The following MRPL13 variants were observed in gnomAD, a reference collection of about 807,000 sequenced individuals.
MRPL13 encodes mitochondrial ribosomal protein L13, also known as large ribosomal subunit protein uL13m.
Under a neutral mutation model 29.0 loss-of-function variants are expected in MRPL13, and 33 were observed. The observed-to-expected ratio is 1.14, with a 90% confidence interval of 0.86 to 1.52. The LOEUF is 1.52. Ranked by LOEUF, MRPL13 falls within the 40% of genes most tolerant of loss-of-function variation. The probability of loss-of-function intolerance (pLI) is 0.00; values close to 1 mark genes in which losing one functional copy is unlikely to be tolerated. For missense variants in MRPL13, 227 were observed against 216.7 expected, an observed-to-expected ratio of 1.05 and a Z score of -0.30; for synonymous variants, 77 against 68.4, an observed-to-expected ratio of 1.13 and a Z score of -0.62.
At chr8:120,418,496 GTGCC>G (rs1812831640) in intron 5 of MRPL13, among the ~76,000 whole-genome samples, 1 of 152,088 alleles carries the variant, frequency 6.6e-6, no homozygotes, top group Admixed American at 6.5e-5. Context: ...ATGTATAAGT[GTGCC>G]TGTTTCCCCC....
chr8:120,397,439 T>C (rs1313565999), intron 6 of MRPL13, among the ~76,000 whole-genome samples: 1 of 152,032 alleles, frequency 6.6e-6, no homozygotes, highest in Non-Finnish European at 1.5e-5. Flanking sequence ...AGCCAACCAG[T>C]GCAACAGGCT....
intron 6 of MRPL13, among the ~76,000 whole-genome samples, chr8:120,397,479 G>T (rs556626488): frequency 6.6e-6 from 1 of 152,140 alleles, no homozygotes; most frequent in African/African-American, 2.4e-5. Context: ...CAAGTTCCTG[G>T]GGGGAGGGGC....
At chr8:120,430,677 T>A (rs1812987492) in intron 3 of MRPL13, among the ~76,000 whole-genome samples, 1 of 152,120 alleles carries the variant, frequency 6.6e-6, no homozygotes, top group South Asian at 2.1e-4. Flanking sequence ...AATAGCAATA[T>A]GTTGTCTAAG....
At chr8:120,426,850 C>T (rs1384615739) in intron 3 of MRPL13, among the ~76,000 whole-genome samples, 1 of 152,156 alleles carries the variant, frequency 6.6e-6, no homozygotes, top group Non-Finnish European at 1.5e-5. Context: ...TGACAAAATC[C>T]TGTCCTATTT....
At chr8:120,421,474 C>T (rs768449405) in intron 4 of MRPL13, among the ~76,000 whole-genome samples, 25 of 151,752 alleles carry the variant, frequency 1.6e-4, no homozygotes, top group Non-Finnish European at 2.5e-4. Context: ...ACAAATTCTC[C>T]GATAGGCCAC....
chr8:120,421,988 C>T (rs1314931790), intron 4 of MRPL13, among the ~76,000 whole-genome samples: 1 of 151,056 alleles, frequency 6.6e-6, no homozygotes, highest in African/African-American at 2.4e-5. Flanking sequence ...AATATTTTGA[C>T]CTGTAAGGCT....
At chr8:120,418,668 A>G (rs947199579) in intron 5 of MRPL13, among the ~76,000 whole-genome samples, 68 of 152,242 alleles carry the variant, frequency 4.5e-4, no homozygotes, top group African/African-American at 1.6e-3. Context: ...TATCTTGTAA[A>G]TGAAATAAAT....
At chr8:120,409,189 T>C (rs931387448) in intron 6 of MRPL13, among the ~76,000 whole-genome samples, 10 of 152,208 alleles carry the variant, frequency 6.6e-5, no homozygotes, top group Non-Finnish European at 1.5e-4. Context: ...GGTTAGCTTC[T>C]CTACAAAGGT....
At chr8:120,425,210 T>C (rs1812917928) in intron 4 of MRPL13, 96 bp downstream of exon 4, 3 of 901,742 alleles carry the variant, frequency 3.3e-6, no homozygotes, top group Non-Finnish European at 5.2e-6. Flanking sequence ...TATCCTTGAA[T>C]GCTAACTATA....
rs1812847984 is a variant in MRPL13 at position 120,419,834 on chromosome 8, C to T, written c.393+18G>A. 1.3e-6 allele frequency: 2 copies of T among 1,560,786 alleles called. No homozygotes were observed. Among genetic ancestry groups the T allele is most frequent in the African/African-American group, 1.4e-5 (1 of 72,246 alleles). On this transcript the variant is annotated intron_variant, in intron 5 of 6. Transcript: ENST00000306185. ...GAAAATTTTGGAAAAGCATTGTTAC[C>T]AATGACCACTGACTTACCTCATCTG...
chr8:120,442,042 T>C (rs1023071822), intron 2 of MRPL13, among the ~76,000 whole-genome samples: 1 of 152,200 alleles, frequency 6.6e-6, no homozygotes, highest in African/African-American at 2.4e-5. Context: ...CAGTGAAGAA[T>C]TGACAAAAGA....
chr8:120,429,873 G>A (rs944150553), intron 3 of MRPL13, among the ~76,000 whole-genome samples: 1 of 151,384 alleles, frequency 6.6e-6, no homozygotes, highest in Non-Finnish European at 1.5e-5. Flanking sequence ...CCAATATAAT[G>A]TAAATGCTAT....
intron 3 of MRPL13, among the ~76,000 whole-genome samples, chr8:120,427,440 T>C (rs528330086): frequency 6.6e-6 from 1 of 151,986 alleles, no homozygotes; most frequent in African/African-American, 2.4e-5. Flanking sequence ...CCTACATATA[T>C]GAAAAAAATC....
intron 2 of MRPL13, among the ~76,000 whole-genome samples, chr8:120,439,040 C>A (rs750442942): frequency 1.2e-4 from 19 of 152,168 alleles, no homozygotes; most frequent in Non-Finnish European, 2.5e-4. Flanking sequence ...AATTTGCCTA[C>A]TTGTTAAAAT....
chr8:120,397,311 A>G (rs1359060919), intron 6 of MRPL13, among the ~76,000 whole-genome samples: 7 of 152,158 alleles, frequency 4.6e-5, no homozygotes, highest in Non-Finnish European at 1.5e-5. Context: ...GTAAGGCAGG[A>G]GATCCATCCA....
In MRPL13 at chr8:120,443,293, CA is replaced by C; in HGVS notation, c.42del (p.Phe14LeufsTer8). ...CCATCTAAGAGATACCATATTCTAGCAAAAGTGGCCCATTGCTTGGGGGGGA... is the reference window on the plus strand; with the variant it reads ...CCATCTAAGAGATACCATATTCTAGCAAAGTGGCCCATTGCTTGGGGGGGA... ...FSRAPQQWAT[F>X]ARIWYLLDGK... is the part of the protein sequence containing the mutation. On this transcript the variant is annotated frameshift_variant, in exon 2 of 7. Coordinates refer to ENST00000306185, the MANE Select transcript of MRPL13 (RefSeq NM_014078.6). LOFTEE classifies it high-confidence loss of function. 6.5e-7 allele frequency: 1 copy of C among 1,543,078 alleles called. No individual in the cohort carries two copies. Among genetic ancestry groups the C allele is most frequent in the Non-Finnish European group, 8.7e-7 (1 of 1,152,910 alleles).
chr8:120,440,841 A>C (rs1586929607), intron 2 of MRPL13, among the ~76,000 whole-genome samples: 1 of 152,074 alleles, frequency 6.6e-6, no homozygotes, highest in African/African-American at 2.4e-5. Context: ...TGATCTACGG[A>C]GAAAGAATTA....
chr8:120,442,283 A>G (rs541772626), intron 2 of MRPL13, among the ~76,000 whole-genome samples: 1 of 152,212 alleles, frequency 6.6e-6, no homozygotes, highest in Non-Finnish European at 1.5e-5. Flanking sequence ...AATAGTTGCT[A>G]TGCACCTTAA....
At chr8:120,444,528 C>T (rs1310451290) in intron 1 of MRPL13, among the ~76,000 whole-genome samples, 1 of 152,206 alleles carries the variant, frequency 6.6e-6, no homozygotes, top group African/African-American at 2.4e-5. Context: ...CCACTTTCAA[C>T]ACACTCCATA....
Sources: allele counts gnomAD v4.1 joint callset (sites outside exome capture counted in the v4.1 genomes callset), GRCh38; gene constraint gnomAD v4.1.1; transcripts MANE v1.5; gene names NCBI Gene and HGNC (gene_info 2026-07-23, HGNC 2026-07-21).